The following TPPP variants were observed in gnomAD, a reference collection of about 807,000 sequenced individuals.
TPPP encodes the protein tubulin polymerization-promoting protein.
A neutral mutation model predicts 15.5 loss-of-function variants in TPPP; 6 were observed. The ratio of observed to expected loss-of-function variants is 0.39; its 90% confidence interval spans 0.21 to 0.77. TPPP has a LOEUF of 0.77. Among genes scored for constraint, TPPP ranks in the 30% least tolerant of loss-of-function variants. TPPP has a pLI of 0.42. For missense variants in TPPP, 269 were observed against 307.2 expected, an observed-to-expected ratio of 0.88 and a Z score of 0.93; for synonymous variants, 146 against 133.9, an observed-to-expected ratio of 1.09 and a Z score of -0.63.
intron 2 of TPPP, among the ~76,000 whole-genome samples, chr5:673,348 C>T (rs879839523): frequency 2.0e-5 from 3 of 152,008 alleles, no homozygotes; most frequent in Admixed American, 6.5e-5. Context: ...AGGGACCCCC[C>T]GAGGGGAGTC....
chr5:699,000 T>G, the TPPP span, among the ~76,000 whole-genome samples: 1 of 151,960 alleles, frequency 6.6e-6, no homozygotes, highest in Non-Finnish European at 1.5e-5. Flanking sequence ...AACACACTGA[T>G]GAAAGAAATC....
At position 682,432 on chromosome 5, in the gene TPPP, G is replaced by T. The variant is rs1390267928; in HGVS notation, c.-4-4368C>A. Among the ~76,000 whole-genome samples the T allele has an allele frequency of 1.4e-4, 21 of 151,320 alleles. No individual in the cohort carries two copies. The East Asian group carries it at 3.7e-3, about 26-fold the overall frequency. Reference sequence around the variant, plus strand: ...CTGGGGTCTGTCACTAGGGCCAGGGGTCTGCCCCTTGGGCCTGGAGCCTGT... The same window carrying T: ...CTGGGGTCTGTCACTAGGGCCAGGGTTCTGCCCCTTGGGCCTGGAGCCTGT... On this transcript the variant is annotated intron_variant, in intron 1 of 3. Coordinates refer to ENST00000360578, the MANE Select transcript of TPPP (RefSeq NM_007030.3).
chr5:673,110 C>T (rs1740280310), intron 2 of TPPP, among the ~76,000 whole-genome samples: 1 of 152,192 alleles, frequency 6.6e-6, no homozygotes, highest in South Asian at 2.1e-4. Flanking sequence ...GAGGCAGAGG[C>T]TCCCACAAGT....
intron 2 of TPPP, among the ~76,000 whole-genome samples, chr5:670,787 CG>C (rs1344365775): frequency 6.6e-6 from 1 of 152,214 alleles, no homozygotes; most frequent in Non-Finnish European, 1.5e-5. Context: ...CAACGTTTCC[CG>C]GGGCCGACAG....
At chr5:668,854 A>G (rs1561082660) in intron 2 of TPPP, among the ~76,000 whole-genome samples, 1 of 152,162 alleles carries the variant, frequency 6.6e-6, no homozygotes. Flanking sequence ...CCTCGAGAAC[A>G]AGCCCAGGAT....
At chr5:676,991 C>T (rs71597662) in intron 2 of TPPP, among the ~76,000 whole-genome samples, 2,732 of 114,536 alleles carry the variant, frequency 0.024, 43 homozygotes, top group Non-Finnish European at 0.036. Flanking sequence ...GACGCAGAAA[C>T]GCGCACACGT....
upstream of TPPP, among the ~76,000 whole-genome samples, chr5:693,730 G>A (rs1424210500): frequency 2.0e-5 from 3 of 150,888 alleles, no homozygotes; most frequent in African/African-American, 7.3e-5. Flanking sequence ...ACGGTGCGGC[G>A]GGGGATGGAT....
At chr5:685,351 T>C (rs529487768) in intron 1 of TPPP, among the ~76,000 whole-genome samples, 8 of 152,346 alleles carry the variant, frequency 5.3e-5, no homozygotes, top group Admixed American at 4.6e-4. Context: ...TGGAGTCCTG[T>C]GGCAGCGTCC....
At chr5:697,802 C>T (rs1741041502), upstream of TPPP, among the ~76,000 whole-genome samples, 1 of 149,940 alleles carries the variant, frequency 6.7e-6, no homozygotes, top group Admixed American at 6.7e-5. Context: ...TCCAAGAAAT[C>T]GAAGAGGGGG....
intron 1 of TPPP, among the ~76,000 whole-genome samples, chr5:686,511 C>G (rs1378394989): frequency 1.3e-5 from 2 of 150,344 alleles, no homozygotes; most frequent in Non-Finnish European, 3.0e-5. Flanking sequence ...ACTCACTGCC[C>G]TTGGGTTACC....
chr5:688,829 G>A (rs1039999605), intron 1 of TPPP, among the ~76,000 whole-genome samples: 1 of 120,982 alleles, frequency 8.3e-6, no homozygotes, highest in South Asian at 2.7e-4. Context: ...GGGCCGGTGT[G>A]CGCAGGAGAG....
At chr5:666,605 C>T (rs1739926644) in intron 2 of TPPP, among the ~76,000 whole-genome samples, 1 of 151,404 alleles carries the variant, frequency 6.6e-6, no homozygotes, top group African/African-American at 2.5e-5. Context: ...AGGCCCACGC[C>T]TCAGATGCCC....
chr5:666,158 G>A (rs1268732599), intron 2 of TPPP, 35 bp from the exon 3 acceptor site: 3 of 1,542,210 alleles, frequency 1.9e-6, no homozygotes, highest in Admixed American at 1.9e-5. Context: ...GCTGGGCGCG[G>A]GCCGGCCCAG....
At chr5:667,337 A>C (rs1197929815) in intron 2 of TPPP, among the ~76,000 whole-genome samples, 1 of 152,220 alleles carries the variant, frequency 6.6e-6, no homozygotes, top group African/African-American at 2.4e-5. Flanking sequence ...TGTTTCTTCC[A>C]CAAGTGGAGC....
At chr5:677,661 G>A (rs56352427) in intron 2 of TPPP, 89 bp downstream of exon 2, 152,102 of 1,277,828 alleles carry the variant, frequency 0.12, 10,066 homozygotes, top group South Asian at 0.22. Context: ...CACTCCCCAT[G>A]GCCCGCTCCC....
intron 2 of TPPP, among the ~76,000 whole-genome samples, chr5:673,174 C>T (rs759167358): frequency 6.6e-5 from 10 of 151,942 alleles, no homozygotes; most frequent in Non-Finnish European, 1.3e-4. Context: ...CCCACAGGCC[C>T]GCCGCCACCA....
chr5:675,628 C>T (rs1479305771), intron 2 of TPPP, among the ~76,000 whole-genome samples: 2 of 151,750 alleles, frequency 1.3e-5, no homozygotes, highest in Non-Finnish European at 2.9e-5. Context: ...AGTGCAGTGC[C>T]AGAGGTGCAG....
intron 2 of TPPP, among the ~76,000 whole-genome samples, chr5:677,207 TTGGGAGGGGC>T (rs2126902034): frequency 6.6e-6 from 1 of 152,292 alleles, no homozygotes; most frequent in East Asian, 1.9e-4. Flanking sequence ...CACAAAGGCT[TTGGGAGGGGC>T]TGGGGGACAC....
chr5:693,386 A>G (rs1449397469), upstream of TPPP: 1 of 40,726 alleles, frequency 2.5e-5, no homozygotes, highest in African/African-American at 1.0e-4. Flanking sequence ...CGTCCCGCCC[A>G]GCACCGCCCA....
Sources: allele counts gnomAD v4.1 joint callset (sites outside exome capture counted in the v4.1 genomes callset), GRCh38; gene constraint gnomAD v4.1.1; transcripts MANE v1.5; gene names NCBI Gene and HGNC (gene_info 2026-07-23, HGNC 2026-07-21).